The following GRIP2 variants were observed in gnomAD, a reference collection of about 807,000 sequenced individuals.
The protein encoded by GRIP2 is glutamate receptor interacting protein 2.
Under a neutral mutation model 108.3 loss-of-function variants are expected in GRIP2, and 58 were observed. The ratio of observed to expected loss-of-function variants is 0.54; its 90% CI spans 0.43 to 0.67. The LOEUF is 0.67. Among genes scored for constraint, GRIP2 ranks in the 30% least tolerant of loss-of-function variants. The probability of loss-of-function intolerance (pLI) is 0.00; values close to 1 mark genes in which losing one functional copy is unlikely to be tolerated. For missense variants in GRIP2, 1,278 were observed against 1,430.6 expected (o/e 0.89, Z 1.72); for synonymous variants, 586 against 598.2 (o/e 0.98, Z 0.30).
chr3:14,584,139 G>A, the GRIP2 span, among the ~76,000 whole-genome samples: 2 of 152,220 alleles, frequency 1.3e-5, no homozygotes, highest in Non-Finnish European at 2.9e-5. Context: ...GAGGGGAGTA[G>A]CTCAGCTCAA....
intron 1 of GRIP2, among the ~76,000 whole-genome samples, chr3:14,538,259 C>G (rs1206774788): frequency 1.3e-5 from 2 of 152,156 alleles, no homozygotes; most frequent in Non-Finnish European, 2.9e-5. Context: ...TTACCAGCAA[C>G]AGGGGAGGTC....
chr3:14,566,493 A>G, the GRIP2 span, among the ~76,000 whole-genome samples: 3 of 152,374 alleles, frequency 2.0e-5, no homozygotes, highest in Admixed American at 6.5e-5. Context: ...ACAGGCCATT[A>G]GAACCGCAGC....
the GRIP2 span, among the ~76,000 whole-genome samples, chr3:14,577,032 G>A: frequency 6.6e-6 from 1 of 152,208 alleles, no homozygotes; most frequent in Non-Finnish European, 1.5e-5. Context: ...TCCTACACCA[G>A]TTGTAGACAA....
At chr3:14,509,076 A>G (rs1000960785) in intron 17 of GRIP2, among the ~76,000 whole-genome samples, 1 of 152,130 alleles carries the variant, frequency 6.6e-6, no homozygotes, top group Non-Finnish European at 1.5e-5. Flanking sequence ...CCAGGTGTCC[A>G]GCAGGGGGCG....
intron 5 of GRIP2, 43 bp from the exon 6 acceptor site, chr3:14,523,118 C>A: frequency 1.3e-6 from 2 of 1,486,468 alleles, no homozygotes; most frequent in South Asian, 2.5e-5. Context: ...CCACCCACCC[C>A]TTCCCATCCA....
Position 14,551,673 on chromosome 3 carries a change from C to T in GRIP2, c.55+4227G>A, listed in dbSNP as rs191667086. Among the ~76,000 whole-genome samples the T allele has an allele frequency of 1.6e-4, 25 of 152,226 alleles. No homozygotes were observed. The South Asian group carries it at 1.7e-3, about 10-fold the overall frequency. ...GAGCCTGGGGATAGCAGAGCAGTGG[C>T]CACATGTTGGGAATACAACCGAGGG... On this transcript the variant is annotated intron_variant, in intron 1 of 23. Transcript: ENST00000637182.
chr3:14,525,655 C>T, intron 2 of GRIP2, 83 bp from the exon 3 acceptor site: 1 of 1,549,546 alleles, frequency 6.5e-7, no homozygotes, highest in Non-Finnish European at 8.8e-7. Context: ...GAGGCGAGCA[C>T]CTGGTTGGTA....
chr3:14,503,285 T>A (rs1253475773), intron 21 of GRIP2, among the ~76,000 whole-genome samples: 1 of 152,202 alleles, frequency 6.6e-6, no homozygotes, highest in African/African-American at 2.4e-5. Context: ...CATGCATGCA[T>A]ACACATATGC....
chr3:14,521,851 G>A lies in GRIP2; in HGVS notation c.567-64C>T, dbSNP rs749929385. The A allele has an allele frequency of 1.4e-6, 2 of 1,457,884 alleles. No homozygotes were observed. The highest frequency in any genetic ancestry group is 1.4e-5 in the African/African-American group (1 of 70,598). The allele number at this position is 1,457,884 out of a possible 1,614,324, so 90.3% of individuals were successfully genotyped here. A position where few individuals can be genotyped will look rare whatever the true frequency, so the allele number is the denominator to read the frequency against. Reference sequence around the variant, plus strand: ...AGCACTGGGCACAGCCTGTCTGGGAGGGCGCTGGGAAGCGGGACATGGAGG... The same window carrying A: ...AGCACTGGGCACAGCCTGTCTGGGAAGGCGCTGGGAAGCGGGACATGGAGG... On this transcript the variant is annotated intron_variant, in intron 6 of 23. Coordinates refer to ENST00000621039, the MANE Select transcript of GRIP2 (RefSeq NM_001080423.4). This position sits in a 1 kb window ranked among gnomAD's most constrained non-coding sequence, Gnocchi z 5.1.
Position 14,525,868 on chromosome 3 carries a change from C to A in GRIP2, c.104G>T (p.Arg35Leu). The A allele has an allele frequency of 6.4e-7, 1 of 1,559,872 alleles. No individual in the cohort carries two copies. Among genetic ancestry groups the A allele is most frequent in the Non-Finnish European group, 8.7e-7 (1 of 1,151,646 alleles). The change falls in exon 2 of 24, where the codon CGC (arginine) becomes CTC (leucine). Residue 35 changes from arginine (R) to leucine (L), a missense_variant. By Grantham distance (102) the Arg-to-Leu change is moderately radical. Coordinates refer to ENST00000621039, the MANE Select transcript of GRIP2 (RefSeq NM_001080423.4). ...CTCATTACCTGGAATGCTCTGTCTG[C>A]GGCACGCCAGGGAAACGTCGGCCCC... ...AGGADVSLAC[R>L]RQSIPEEFRG...
In GRIP2 at chr3:14,511,099, C is replaced by T; in HGVS notation, c.1933+66G>A. 1 of 1,576,430 alleles carries T rather than the reference C, an allele frequency of 6.3e-7. No individual in the cohort carries two copies. On this transcript the variant is annotated intron_variant, in intron 16 of 23. Transcript: ENST00000621039. The surrounding 1 kb of genome is among the most constrained non-coding windows in gnomAD (Gnocchi z 4.1). Reference sequence around the variant, plus strand: ...CTCGGCTGGAGGGAGCCCTGAATTGCAAGCTGGGAACCCGCTAGTCAAAGG... The same window carrying T: ...CTCGGCTGGAGGGAGCCCTGAATTGTAAGCTGGGAACCCGCTAGTCAAAGG...
intron 20 of GRIP2, among the ~76,000 whole-genome samples, chr3:14,504,487 A>G (rs1168349697): frequency 6.6e-6 from 1 of 151,274 alleles, no homozygotes; most frequent in Non-Finnish European, 1.5e-5. Context: ...AACTTTTTGT[A>G]TTTTTACTAG....
At chr3:14,558,327 C>T (rs906501032), upstream of GRIP2, among the ~76,000 whole-genome samples, 3 of 152,168 alleles carry the variant, frequency 2.0e-5, no homozygotes, top group South Asian at 2.1e-4. Context: ...GGCTGTGGGC[C>T]GAGCCCCGCC....
chr3:14,493,645 GT>G lies in GRIP2; in HGVS notation c.*19del. On this transcript the variant is annotated 3_prime_UTR_variant, in exon 24 of 24. Transcript: ENST00000621039. ...GATCTGCCTGGGTGGCCCCTTAGGA[GT>G]TCGGCCCACATGCTGACTTCAGAGC... 1 of 1,573,186 alleles carries G rather than the reference GT, an allele frequency of 6.4e-7. No individual in the cohort carries two copies.
chr3:14,585,238 A>G, the GRIP2 span, among the ~76,000 whole-genome samples: 1 of 152,176 alleles, frequency 6.6e-6, no homozygotes, highest in Admixed American at 6.5e-5. Flanking sequence ...GACCAGGCTG[A>G]TCTTGAACTC....
intron 1 of GRIP2, among the ~76,000 whole-genome samples, chr3:14,554,006 G>T (rs148836685): frequency 6.6e-6 from 1 of 152,154 alleles, no homozygotes; most frequent in African/African-American, 2.4e-5. Context: ...GCTGGCCCCA[G>T]ATGTGACTGC....
chr3:14,554,407 C>T (rs1695200873), intron 1 of GRIP2, among the ~76,000 whole-genome samples: 1 of 151,336 alleles, frequency 6.6e-6, no homozygotes, highest in Non-Finnish European at 1.5e-5. Flanking sequence ...CCCACTGGGC[C>T]CTTACGGTCT....
At chr3:14,588,049 G>A in the GRIP2 span, among the ~76,000 whole-genome samples, 2 of 152,228 alleles carry the variant, frequency 1.3e-5, no homozygotes, top group Admixed American at 1.3e-4. Flanking sequence ...GAAGATAAAT[G>A]TAAATGGAAG....
chr3:14,596,718 C>A, the GRIP2 span, among the ~76,000 whole-genome samples: 2 of 151,948 alleles, frequency 1.3e-5, no homozygotes, highest in Non-Finnish European at 2.9e-5. Context: ...GGACTGCTAT[C>A]TTATGTGGGA....
Sources: gnomAD v4.1 joint callset for allele counts (sites outside exome capture counted in the v4.1 genomes callset) on GRCh38, gnomAD v4.1.1 for gene constraint, Gnocchi (gnomAD v3.1) non-coding constraint, MANE v1.5 for transcripts, NCBI Gene and HGNC (gene_info 2026-07-23, HGNC 2026-07-21) for gene names.